Variants in PDE11A observed in about 807,000 individuals in gnomAD.
PDE11A encodes phosphodiesterase 11A, also known as dual 3',5'-cyclic-AMP and -GMP phosphodiesterase 11A.
Under a neutral mutation model 100.5 loss-of-function variants are expected in PDE11A, and 100 were observed. The observed-to-expected ratio is 1.00, with a 90% CI of 0.85 to 1.18. The LOEUF (loss-of-function observed/expected upper bound fraction) is 1.18. PDE11A is among the 50% of genes most tolerant of loss of function. The pLI, the probability that PDE11A is intolerant of heterozygous loss-of-function variation, is 0.00. For synonymous variants in PDE11A, 381 were observed against 420.8 expected, an observed-to-expected ratio of 0.91 and a Z score of 1.16; for missense variants, 1,141 against 1,152.6, an observed-to-expected ratio of 0.99 and a Z score of 0.15.
chr2:178,049,506 G>A (rs188648043), intron 1 of PDE11A, among the ~76,000 whole-genome samples: 2 of 152,260 alleles, frequency 1.3e-5, no homozygotes, highest in East Asian at 3.9e-4. Context: ...AGTGGGTGCA[G>A]GACAGTGGGT....
In PDE11A at chr2:177,875,886, G is replaced by A. The variant is rs773995449; in HGVS notation, c.1340C>T (p.Pro447Leu). The change falls in exon 5 of 20, where the codon CCA becomes CTA. Residue 447 changes from proline to leucine, a missense_variant. Pro to Leu is a moderately conservative substitution (Grantham distance 98). Coordinates refer to ENST00000286063, the MANE Select transcript of PDE11A (RefSeq NM_016953.4). ...KFTKSFELMS[P>L]KCSADAENSF... ...GTTCTCAGCATCAGCACTGCACTTT[G>A]GGGACATCAATTCAAAGGATTTGGT... 1.2e-6 allele frequency: 2 copies of A among 1,611,914 alleles called. No homozygotes were observed. The highest frequency in any genetic ancestry group is 1.3e-5 in the African/African-American group (1 of 74,858).
intron 1 of PDE11A, among the ~76,000 whole-genome samples, chr2:178,058,665 T>C (rs1166623661): frequency 6.6e-6 from 1 of 152,188 alleles, no homozygotes; most frequent in Admixed American, 6.5e-5. Flanking sequence ...AACATTTTTA[T>C]TGAGTATCTA....
At chr2:177,979,611 C>CTTTTTTTTTT (rs57168619) in intron 2 of PDE11A, among the ~76,000 whole-genome samples, 1,069 of 106,718 alleles carry the variant, frequency 0.01, 102 homozygotes, top group East Asian at 0.048. Flanking sequence ...CTCAGATGAT[C>CTTTTTTTTTT]TTTTTTTTTT....
At chr2:177,944,861 C>T (rs2085387553) in intron 2 of PDE11A, among the ~76,000 whole-genome samples, 2 of 116,358 alleles carry the variant, frequency 1.7e-5, no homozygotes, top group Admixed American at 1.0e-4. Context: ...CCTCTCCCCA[C>T]GGTCTCCCTC....
At chr2:177,932,142 A>G (rs1049786776) in intron 2 of PDE11A, among the ~76,000 whole-genome samples, 1 of 152,114 alleles carries the variant, frequency 6.6e-6, no homozygotes, top group African/African-American at 2.4e-5. Flanking sequence ...ACAGACCAAT[A>G]TCAATATCTG....
At chr2:177,656,907 G>C (rs1199370263) in intron 19 of PDE11A, among the ~76,000 whole-genome samples, 1 of 152,162 alleles carries the variant, frequency 6.6e-6, no homozygotes, top group Non-Finnish European at 1.5e-5. Flanking sequence ...TAAGGAAGTG[G>C]GCAGGGTGAA....
At chr2:177,806,776 G>T (rs933763565) in intron 9 of PDE11A, among the ~76,000 whole-genome samples, 1 of 151,938 alleles carries the variant, frequency 6.6e-6, no homozygotes, top group Non-Finnish European at 1.5e-5. Context: ...ATTTATAGAA[G>T]AAATTTTAGA....
chr2:178,091,892 C>T (rs980005334), intron 2 of PDE11A, among the ~76,000 whole-genome samples: 2 of 152,114 alleles, frequency 1.3e-5, no homozygotes, highest in African/African-American at 4.8e-5. Context: ...TCAGGATTAG[C>T]AGAGTATCTT....
intron 5 of PDE11A, among the ~76,000 whole-genome samples, chr2:177,856,317 T>C (rs1296581531): frequency 2.0e-5 from 3 of 152,106 alleles, no homozygotes; most frequent in Non-Finnish European, 4.4e-5. Flanking sequence ...GGTGAGGGGA[T>C]AGACTTGATT....
intron 4 of PDE11A, among the ~76,000 whole-genome samples, chr2:177,894,213 C>A (rs538618579): frequency 5.3e-5 from 8 of 152,196 alleles, no homozygotes; most frequent in African/African-American, 1.7e-4. Context: ...GTTTGAGAAG[C>A]CTTTGGTGAG....
chr2:177,818,145 C>T (rs185251998), intron 7 of PDE11A, among the ~76,000 whole-genome samples: 17 of 151,894 alleles, frequency 1.1e-4, no homozygotes, highest in Non-Finnish European at 1.9e-4. Flanking sequence ...CTCAGTAGTT[C>T]GGAGTTCTAC....
chr2:177,863,372 C>A (rs1273858246), intron 5 of PDE11A, among the ~76,000 whole-genome samples: 2 of 151,918 alleles, frequency 1.3e-5, no homozygotes, highest in African/African-American at 4.8e-5. Context: ...CCAAAGGAAA[C>A]AACCAACAAA....
intron 10 of PDE11A, among the ~76,000 whole-genome samples, chr2:177,759,201 A>ACACACG (rs1553471815): frequency 2.0e-5 from 3 of 149,522 alleles, no homozygotes; most frequent in East Asian, 3.9e-4. Context: ...ACACACACAC[A>ACACACG]CGCACACACA....
chr2:177,659,096 G>A (rs896690949), intron 19 of PDE11A, among the ~76,000 whole-genome samples: 29 of 151,424 alleles, frequency 1.9e-4, no homozygotes, highest in African/African-American at 6.6e-4. Flanking sequence ...CCATCTCTAC[G>A]AAAAATACAA....
intron 1 of PDE11A, among the ~76,000 whole-genome samples, chr2:178,055,987 A>G (rs1202688844): frequency 5.9e-5 from 9 of 152,104 alleles, no homozygotes; most frequent in Admixed American, 5.9e-4. Context: ...AAAAATAATG[A>G]AGATGCAGAT....
intron 2 of PDE11A, among the ~76,000 whole-genome samples, chr2:178,098,377 A>T (rs1331224220): frequency 6.6e-6 from 1 of 152,238 alleles, no homozygotes; most frequent in Non-Finnish European, 1.5e-5. Context: ...TGTAGAACAA[A>T]CATTAAAAAC....
chr2:177,816,346 G>A (rs2083039274), intron 9 of PDE11A, among the ~76,000 whole-genome samples: 2 of 152,138 alleles, frequency 1.3e-5, no homozygotes, highest in Non-Finnish European at 2.9e-5. Flanking sequence ...TGCAGACATG[G>A]GAACAGGTCA....
chr2:178,083,568 A>G (rs2087313284), intron 2 of PDE11A, among the ~76,000 whole-genome samples: 1 of 152,244 alleles, frequency 6.6e-6, no homozygotes, highest in Non-Finnish European at 1.5e-5. Flanking sequence ...AAGAAAGCAC[A>G]TGTCGAGGGC....
intron 16 of PDE11A, among the ~76,000 whole-genome samples, chr2:177,677,444 A>C (rs2080793312): frequency 6.6e-6 from 1 of 152,216 alleles, no homozygotes; most frequent in Non-Finnish European, 1.5e-5. Context: ...AAGTCCATGC[A>C]GAGAAGGGAG....
Sources: allele counts gnomAD v4.1 joint callset (sites outside exome capture counted in the v4.1 genomes callset), GRCh38; gene constraint gnomAD v4.1.1; transcripts MANE v1.5; gene names NCBI Gene and HGNC (gene_info 2026-07-23, HGNC 2026-07-21).